Variants in MPHOSPH9 observed in about 807,000 individuals in gnomAD.
MPHOSPH9 encodes the protein M-phase phosphoprotein 9.
A neutral mutation model predicts 145.5 loss-of-function variants in MPHOSPH9; 88 were observed. That is an observed-to-expected ratio of 0.60 (90% CI 0.51 to 0.72). MPHOSPH9 has a LOEUF of 0.72. MPHOSPH9 is among the 30% of genes least tolerant of loss of function. The pLI is 0.00. For synonymous variants in MPHOSPH9, 435 were observed against 486.2 expected (o/e 0.89, Z 1.39); for missense variants, 1,238 against 1,386.6 (o/e 0.89, Z 1.70).
intron 13 of MPHOSPH9, among the ~76,000 whole-genome samples, chr12:123,193,108 T>TATATACACACACAC (rs1326040192): frequency 1.1e-5 from 1 of 94,910 alleles, no homozygotes; most frequent in African/African-American, 4.2e-5. Context: ...TATATATATA[T>TATATACACACACAC]ACACACACAC....
chr12:123,202,360 T>C, intron 10 of MPHOSPH9, 41 bp from the exon 11 acceptor site: 1 of 1,534,642 alleles, frequency 6.5e-7, no homozygotes, highest in Non-Finnish European at 8.7e-7. Flanking sequence ...AGGAAAGCTA[T>C]CTTCAGTCTC....
intron 16 of MPHOSPH9, among the ~76,000 whole-genome samples, chr12:123,168,210 C>T (rs1044563778): frequency 2.6e-4 from 40 of 152,268 alleles, no homozygotes; most frequent in African/African-American, 8.9e-4. Flanking sequence ...GACTGGCTGA[C>T]TACAAAGGCC....
At chr12:123,168,914 T>C (rs1332402687) in intron 16 of MPHOSPH9, among the ~76,000 whole-genome samples, 1 of 151,060 alleles carries the variant, frequency 6.6e-6, no homozygotes, top group South Asian at 2.1e-4. Context: ...AGACAGAGTC[T>C]CACTCTGTCG....
At position 123,159,861 on chromosome 12, in the gene MPHOSPH9, G is replaced by C. The variant is rs968325693; in HGVS notation, c.3450+920C>G. 6.6e-6 allele frequency: 1 copy of C among 151,822 alleles called. No individual in the cohort carries two copies. Among genetic ancestry groups the C allele is most frequent in the African/African-American group, 2.4e-5 (1 of 41,362 alleles). The allele number at this position is 151,822 out of a possible 1,614,324, so 9.4% of individuals were successfully genotyped here. ...ATTTCATAACATGAAAAGTTCAATT[G>C]AAAGTTTATTTTTTTTTTTTTTTAA... is the stretch of plus-strand genomic sequence containing the variant. On this transcript the variant is annotated intron_variant, in intron 23 of 23. Coordinates refer to ENST00000606320, the MANE Select transcript of MPHOSPH9 (RefSeq NM_022782.4). This position sits in a 1 kb window ranked among gnomAD's most constrained non-coding sequence, Gnocchi z 4.3.
intron 6 of MPHOSPH9, among the ~76,000 whole-genome samples, chr12:123,216,463 G>T (rs1790131): frequency 0.64 from 97,677 of 152,064 alleles, 35,860 homozygotes; most frequent in East Asian, 1. Context: ...GGTATTGGGT[G>T]TGTAGAGGGA....
At chr12:123,182,891 G>C (rs929470514) in intron 13 of MPHOSPH9, among the ~76,000 whole-genome samples, 3 of 151,576 alleles carry the variant, frequency 2.0e-5, no homozygotes, top group Non-Finnish European at 1.5e-5. Flanking sequence ...TCCAGCCTGG[G>C]TGACAGAGTG....
At chr12:123,217,258 C>T (rs2047008539) in intron 6 of MPHOSPH9, among the ~76,000 whole-genome samples, 1 of 151,606 alleles carries the variant, frequency 6.6e-6, no homozygotes, top group Non-Finnish European at 1.5e-5. Flanking sequence ...AGTGCAATGG[C>T]GTGATCTTGG....
intron 8 of MPHOSPH9, among the ~76,000 whole-genome samples, chr12:123,208,932 T>C (rs1024879833): frequency 1.1e-4 from 16 of 152,072 alleles, no homozygotes; most frequent in African/African-American, 3.9e-4. Context: ...TTCCACTTTT[T>C]TCTGTTGTTG....
At chr12:123,240,509 T>C (rs1211871663) in intron 1 of MPHOSPH9, 2 of 151,554 alleles carry the variant, frequency 1.3e-5, no homozygotes, top group Middle Eastern at 3.4e-3. Context: ...GCACACTGTT[T>C]CAGTTAGTCT....
chr12:123,223,430 C>T (rs184331170), intron 3 of MPHOSPH9, among the ~76,000 whole-genome samples: 2 of 152,310 alleles, frequency 1.3e-5, no homozygotes, highest in Admixed American at 1.3e-4. Flanking sequence ...CAGCATCTTT[C>T]CACTCCTAAG....
At chr12:123,214,694 C>G in intron 7 of MPHOSPH9, 50 bp downstream of exon 7, 2 of 1,407,920 alleles carry the variant, frequency 1.4e-6, no homozygotes, top group South Asian at 1.2e-5. Flanking sequence ...GTACCTTCCT[C>G]TGAGTGTATG....
rs540773255 is a variant in MPHOSPH9, at chr12:123,196,147, C to T, written c.2026-1546G>A. ...GGCAGATCACCTGAGGTCAGGAGTTCGAGACCAGCCTGGCCAACATAGTGA... is the reference window on the plus strand; with the variant it reads ...GGCAGATCACCTGAGGTCAGGAGTTTGAGACCAGCCTGGCCAACATAGTGA... On this transcript the variant is annotated intron_variant, in intron 12 of 23. Coordinates refer to ENST00000606320, the MANE Select transcript of MPHOSPH9 (RefSeq NM_022782.4). Among the ~76,000 whole-genome samples, 8 of 152,026 alleles carry T rather than the reference C, an allele frequency of 5.3e-5. No homozygotes were observed. The East Asian group carries it at 5.8e-4, about 11-fold the overall frequency.
At chr12:123,167,866 C>T (rs998716658) in intron 16 of MPHOSPH9, among the ~76,000 whole-genome samples, 1 of 152,168 alleles carries the variant, frequency 6.6e-6, no homozygotes, top group Non-Finnish European at 1.5e-5. Flanking sequence ...TTCTCCACAC[C>T]TATGCCTGTT....
chr12:123,168,371 T>C (rs1215233035), intron 16 of MPHOSPH9, among the ~76,000 whole-genome samples: 2 of 146,750 alleles, frequency 1.4e-5, no homozygotes, highest in Non-Finnish European at 3.0e-5. Flanking sequence ...AGACGGAGTC[T>C]CGCTCTGTCA....
intron 23 of MPHOSPH9, among the ~76,000 whole-genome samples, chr12:123,157,992 T>C (rs542603010): frequency 6.6e-6 from 1 of 152,072 alleles, no homozygotes; most frequent in Non-Finnish European, 1.5e-5. Context: ...TTTTATTTTT[T>C]TTTTTTTGGT....
At chr12:123,174,289 C>G (rs192289170) in intron 16 of MPHOSPH9, among the ~76,000 whole-genome samples, 1 of 152,202 alleles carries the variant, frequency 6.6e-6, no homozygotes, top group African/African-American at 2.4e-5. Flanking sequence ...TGTCAGAGTT[C>G]TTGCCCCAGG....
At chr12:123,199,887 C>T (rs756925378) in intron 11 of MPHOSPH9, among the ~76,000 whole-genome samples, 1 of 151,890 alleles carries the variant, frequency 6.6e-6, no homozygotes, top group African/African-American at 2.4e-5. Flanking sequence ...GAAAGTCACA[C>T]AGATTGTAAG....
In MPHOSPH9 at chr12:123,191,774, G is replaced by C. The variant is rs192294609; in HGVS notation, c.2241+2612C>G. Reference sequence around the variant, plus strand: ...TGACAAAAGCAAGTCAAAAGGACACGGGACCAGTCTGACATGTCTCCCACT... The same window carrying C: ...TGACAAAAGCAAGTCAAAAGGACACCGGACCAGTCTGACATGTCTCCCACT... On this transcript the variant is annotated intron_variant, in intron 13 of 23. Transcript: ENST00000606320. 1.4e-4 allele frequency among the ~76,000 whole-genome samples: 21 copies of C among 152,278 alleles called. No homozygotes were observed. The East Asian group carries it at 3.9e-3, about 28-fold the overall frequency.
chr12:123,236,171 G>A (rs2047847313), upstream of MPHOSPH9, among the ~76,000 whole-genome samples: 1 of 152,114 alleles, frequency 6.6e-6, no homozygotes, highest in African/African-American at 2.4e-5. Flanking sequence ...AATGAAACAA[G>A]GTGTAGAAAG....
Sources: allele counts gnomAD v4.1 joint callset (sites outside exome capture counted in the v4.1 genomes callset), GRCh38; gene constraint gnomAD v4.1.1; non-coding constraint Gnocchi (gnomAD v3.1); transcripts MANE v1.5; gene names NCBI Gene and HGNC (gene_info 2026-07-23, HGNC 2026-07-21).